Variants in LCLAT1 observed in about 807,000 individuals in gnomAD.
LCLAT1 encodes 1-AGP acyltransferase 8.
LCLAT1 carries 11 observed loss-of-function variants against 30.7 expected under a neutral mutation model. That is an observed-to-expected ratio of 0.36 (90% CI 0.23 to 0.59). LCLAT1 has a LOEUF of 0.59. LCLAT1 is among the 20% of genes least tolerant of loss of function. The pLI is 0.77. For missense variants in LCLAT1, 402 were observed against 458.6 expected, an observed-to-expected ratio of 0.88 and a Z score of 1.13; for synonymous variants, 155 against 151.3, an observed-to-expected ratio of 1.02 and a Z score of -0.18.
rs569535563 is a variant in LCLAT1, at chr2:30,618,305, A to G, written c.629-21812A>G. 7.2e-5 allele frequency among the ~76,000 whole-genome samples: 11 copies of G among 152,308 alleles called. No homozygotes were observed. The South Asian group carries it at 2.3e-3, about 32-fold the overall frequency. On this transcript the variant is annotated intron_variant, in intron 5 of 5. Transcript: ENST00000379509. ...AGTTTGTTAATTTATACACAGAAGC[A>G]GACTAGTTTTTATTAGGATTACTTT...
chr2:30,450,336 C>G (rs1404354653), intron 1 of LCLAT1, among the ~76,000 whole-genome samples: 1 of 152,150 alleles, frequency 6.6e-6, no homozygotes, highest in East Asian at 1.9e-4. Flanking sequence ...GTCCAGGGGT[C>G]AGACCACAGT....
At position 30,542,450 on chromosome 2, in the gene LCLAT1, C is replaced by T. The variant is rs186361972; in HGVS notation, c.364+9136C>T. On this transcript the variant is annotated intron_variant, in intron 3 of 5. Coordinates refer to ENST00000379509, the MANE Select transcript of LCLAT1 (RefSeq NM_001002257.3). ...GTCTACCCACTATCCACTCAACTAA[C>T]TTAACACCTTTTTTGAAAATTATTT... Among the ~76,000 whole-genome samples, 120 of 152,252 alleles carry T rather than the reference C, an allele frequency of 7.9e-4. 1 individual carries two copies. Among genetic ancestry groups the T allele is most frequent in the Non-Finnish European group, 2.5e-4 (17 of 67,998 alleles).
Position 30,468,725 on chromosome 2 carries a change from T to G in LCLAT1, c.-5+21342T>G, listed in dbSNP as rs1682609252. ...CAGCCTCTGGCAACCACCAGTCTGC[T>G]TTCATTTCTATGGATTTGCCTATTC... is the stretch of plus-strand genomic sequence containing the variant. On this transcript the variant is annotated intron_variant, in intron 1 of 5. Coordinates refer to ENST00000379509, the MANE Select transcript of LCLAT1 (RefSeq NM_001002257.3). 2.0e-5 allele frequency among the ~76,000 whole-genome samples: 3 copies of G among 152,228 alleles called. No homozygotes were observed. The South Asian group carries it at 6.2e-4, about 31-fold the overall frequency.
At chr2:30,589,122 TTCA>T (rs1330847106) in intron 5 of LCLAT1, among the ~76,000 whole-genome samples, 1 of 152,252 alleles carries the variant, frequency 6.6e-6, no homozygotes, top group African/African-American at 2.4e-5. Flanking sequence ...TGCTTTCCAG[TTCA>T]TCAGATATTA....
At chr2:30,486,874 C>G (rs1683584620) in intron 1 of LCLAT1, among the ~76,000 whole-genome samples, 1 of 152,132 alleles carries the variant, frequency 6.6e-6, no homozygotes, top group African/African-American at 2.4e-5. Flanking sequence ...CCTCCTCCAC[C>G]CTATGAGTAT....
chr2:30,484,178 C>T (rs990501762), intron 1 of LCLAT1, among the ~76,000 whole-genome samples: 2 of 152,092 alleles, frequency 1.3e-5, no homozygotes, highest in Non-Finnish European at 2.9e-5. Flanking sequence ...TATTAGGCCC[C>T]ATGAGACTCT....
intron 1 of LCLAT1, among the ~76,000 whole-genome samples, chr2:30,504,177 T>C (rs1170052205): frequency 1.3e-5 from 2 of 151,986 alleles, no homozygotes; most frequent in Non-Finnish European, 2.9e-5. Flanking sequence ...ATATTACACA[T>C]AATATGCATT....
chr2:30,562,003 G>A, intron 3 of LCLAT1, 143 bp from the exon 4 acceptor site: 1 of 478,630 alleles, frequency 2.1e-6, no homozygotes, highest in East Asian at 3.2e-5. Context: ...CCCAAGATCA[G>A]TGCTGAATTT....
intron 1 of LCLAT1, among the ~76,000 whole-genome samples, chr2:30,519,633 A>T (rs1685374839): frequency 6.6e-6 from 1 of 152,226 alleles, no homozygotes; most frequent in African/African-American, 2.4e-5. Flanking sequence ...GGTAGTAAAG[A>T]GAGCTCACTA....
intron 5 of LCLAT1, chr2:30,605,956 C>T: frequency 8.1e-7 from 1 of 1,227,728 alleles, no homozygotes; most frequent in Non-Finnish European, 1.1e-6. Context: ...GCACAGTTCA[C>T]AGGAGGGTTC....
chr2:30,599,022 G>T (rs1277141185), intron 5 of LCLAT1, among the ~76,000 whole-genome samples: 1 of 150,692 alleles, frequency 6.6e-6, no homozygotes, highest in African/African-American at 2.4e-5. Context: ...CTCACTCTGG[G>T]TCCAGGCTAG....
intron 1 of LCLAT1, among the ~76,000 whole-genome samples, chr2:30,465,301 A>G (rs562654899): frequency 1.3e-5 from 2 of 152,174 alleles, no homozygotes; most frequent in African/African-American, 4.8e-5. Flanking sequence ...GTTAACGGCC[A>G]CAAGTCAAGG....
intron 2 of LCLAT1, among the ~76,000 whole-genome samples, chr2:30,529,384 C>A (rs1367611119): frequency 6.6e-6 from 1 of 152,228 alleles, no homozygotes; most frequent in Non-Finnish European, 1.5e-5. Flanking sequence ...GGGCAAGAAT[C>A]CGTTCTAGAA....
chr2:30,478,935 G>A (rs575408478), intron 1 of LCLAT1, among the ~76,000 whole-genome samples: 1 of 152,250 alleles, frequency 6.6e-6, no homozygotes, highest in South Asian at 2.1e-4. Context: ...TACTTGGGTT[G>A]CCCAATTGCT....
Position 30,493,234 on chromosome 2 carries a change from C to T in LCLAT1, c.-4-32353C>T. Among the ~76,000 whole-genome samples the T allele has an allele frequency of 1.3e-5, 2 of 152,156 alleles. 1 individual carries two copies. The highest frequency in any genetic ancestry group is 3.8e-4 in the East Asian group (2 of 5,200). On this transcript the variant is annotated intron_variant, in intron 1 of 5. Coordinates refer to ENST00000379509, the MANE Select transcript of LCLAT1 (RefSeq NM_001002257.3). ...TTTCTTATTATTTAATGTAGACTTT[C>T]ATATAGTGAAACTCAAGGAAATTTG...
intron 4 of LCLAT1, among the ~76,000 whole-genome samples, chr2:30,563,903 A>G (rs1572631225): frequency 1.3e-5 from 2 of 152,318 alleles, no homozygotes; most frequent in Non-Finnish European, 2.9e-5. Context: ...TGACACATCT[A>G]TTGCAGATGG....
chr2:30,524,045 C>A (rs553510553), intron 1 of LCLAT1, among the ~76,000 whole-genome samples: 2 of 147,810 alleles, frequency 1.4e-5, no homozygotes, highest in Admixed American at 6.9e-5. Context: ...CTCTCAGATA[C>A]CTTTTTGCTA....
chr2:30,597,103 T>C (rs1216386717), intron 5 of LCLAT1, among the ~76,000 whole-genome samples: 1 of 148,280 alleles, frequency 6.7e-6, no homozygotes, highest in Non-Finnish European at 1.5e-5. Context: ...TTCTTTTTGC[T>C]TAAGATTGTC....
chr2:30,449,545 G>A (rs1171323685), intron 1 of LCLAT1, among the ~76,000 whole-genome samples: 2 of 151,634 alleles, frequency 1.3e-5, no homozygotes, highest in African/African-American at 4.9e-5. Context: ...TTGTTGCCAG[G>A]GCTGGAGTGC....
Sources: allele counts gnomAD v4.1 joint callset (sites outside exome capture counted in the v4.1 genomes callset), GRCh38; gene constraint gnomAD v4.1.1; transcripts MANE v1.5; gene names NCBI Gene and HGNC (gene_info 2026-07-23, HGNC 2026-07-21).